GDAP2: variants seen among roughly 807,000 people sequenced by gnomAD.
The protein encoded by GDAP2 is ganglioside induced differentiation associated protein 2, also known as ganglioside-induced differentiation-associated protein 2.
A neutral mutation model predicts 67.0 loss-of-function variants in GDAP2; 51 were observed. That is an observed-to-expected ratio of 0.76 (90% CI 0.61 to 0.96). The LOEUF (loss-of-function observed/expected upper bound fraction) is 0.96. Among genes scored for constraint, GDAP2 ranks in the 40% least tolerant of loss-of-function variants. GDAP2 has a pLI of 0.00. For missense variants in GDAP2, 547 were observed against 588.3 expected (o/e 0.93, Z 0.73); for synonymous variants, 203 against 207.3 (o/e 0.98, Z 0.18).
intron 13 of GDAP2, among the ~76,000 whole-genome samples, chr1:117,873,384 A>G (rs1648353053): frequency 2.0e-5 from 3 of 152,130 alleles, no homozygotes; most frequent in South Asian, 4.1e-4. Flanking sequence ...TAAATCCCAG[A>G]AAAATAGAAG....
chr1:117,919,802 A>G (rs1650179269), intron 2 of GDAP2, among the ~76,000 whole-genome samples: 1 of 152,174 alleles, frequency 6.6e-6, no homozygotes, highest in Non-Finnish European at 1.5e-5. Context: ...ACCAAAAAGC[A>G]CACAATTCAA....
Position 117,864,438 on chromosome 1 carries a change from T to A in GDAP2, c.*6131A>T, listed in dbSNP as rs115153377. The stretch of plus-strand genomic sequence containing the variant: ...GGAGAAAACAGGGTGAATTGGGTCA[T>A]CACATAGTACATGGCAGTACATGCC... On this transcript the variant is annotated 3_prime_UTR_variant, in exon 14 of 14. Coordinates refer to ENST00000369443, the MANE Select transcript of GDAP2 (RefSeq NM_017686.4). 1,262 of 152,304 alleles carry A rather than the reference T, an allele frequency of 8.3e-3. 11 individuals carry two copies. The highest frequency in any genetic ancestry group is 0.029 in the African/African-American group (1,214 of 41,564). The allele number at this position is 152,304 out of a possible 1,614,324, so 9.4% of individuals were successfully genotyped here.
intron 8 of GDAP2, 153 bp downstream of exon 8, chr1:117,896,680 C>T (rs1324447079): frequency 2.0e-6 from 1 of 505,760 alleles, no homozygotes; most frequent in Non-Finnish European, 3.4e-6. Context: ...AGTTTTTGCA[C>T]CTCCAAAATG....
chr1:117,868,744 G>GT lies in GDAP2; in HGVS notation c.*1824dup, dbSNP rs1399117706. 1.3e-5 allele frequency: 2 copies of GT among 151,626 alleles called. No individual in the cohort carries two copies. The highest frequency in any genetic ancestry group is 1.9e-4 in the East Asian group (1 of 5,150). 9.4% of individuals were successfully genotyped at this position (151,626 alleles called of 1,614,324 possible). A position where few individuals can be genotyped will look rare whatever the true frequency, so the allele number is the denominator to read the frequency against. ...ACTTTTAAGGTACAGTGCCCAAGGG[G>GT]TTAAAAAAAAAGTACTGTTTGAGAG... On this transcript the variant is annotated 3_prime_UTR_variant, in exon 14 of 14. Coordinates refer to ENST00000369443, the MANE Select transcript of GDAP2 (RefSeq NM_017686.4).
chr1:117,921,830 T>C (rs1359403758), intron 1 of GDAP2, among the ~76,000 whole-genome samples: 1 of 152,098 alleles, frequency 6.6e-6, no homozygotes, highest in Non-Finnish European at 1.5e-5. Context: ...ATGACTGCAA[T>C]AATTTAGGTG....
At chr1:117,912,800 A>T in intron 3 of GDAP2, 117 bp from the exon 4 acceptor site, 1 of 808,864 alleles carries the variant, frequency 1.2e-6, no homozygotes, top group Non-Finnish European at 2.0e-6. Flanking sequence ...AGTTAAAAAT[A>T]CAGACTGAAC....
At chr1:117,907,883 A>G (rs1369193941) in intron 5 of GDAP2, among the ~76,000 whole-genome samples, 1 of 152,172 alleles carries the variant, frequency 6.6e-6, no homozygotes, top group East Asian at 1.9e-4. Flanking sequence ...CTTACAGGTT[A>G]AGATTCAAAA....
At chr1:117,898,086 G>A (rs1202765490) in intron 7 of GDAP2, among the ~76,000 whole-genome samples, 2 of 152,182 alleles carry the variant, frequency 1.3e-5, no homozygotes, top group African/African-American at 2.4e-5. Flanking sequence ...GTGGACAGAA[G>A]AGAATCTTCT....
At position 117,866,251 on chromosome 1, in the gene GDAP2, GTCTCTCTC is replaced by G. The variant is rs1027695472; in HGVS notation, c.*4310_*4317del. The G allele has an allele frequency of 1.3e-5, 2 of 151,862 alleles. No homozygotes were observed. Among genetic ancestry groups the G allele is most frequent in the Non-Finnish European group, 2.9e-5 (2 of 67,938 alleles). The allele number at this position is 151,862 out of a possible 1,614,324, so 9.4% of individuals were successfully genotyped here. A position where few individuals can be genotyped will look rare whatever the true frequency, so the allele number is the denominator to read the frequency against. On this transcript the variant is annotated 3_prime_UTR_variant, in exon 14 of 14. Transcript: ENST00000369443. ...TAAGAAGAGACAGGAAAGTAACGAT[GTCTCTCTC>G]TCTCTGCCAAGTGAGAATACAGCAA...
At chr1:117,926,885 T>C (rs186985140) in intron 1 of GDAP2, among the ~76,000 whole-genome samples, 1 of 152,218 alleles carries the variant, frequency 6.6e-6, no homozygotes, top group East Asian at 1.9e-4. Context: ...CACCCAGTAA[T>C]CTATAGCCAC....
chr1:117,896,351 C>T (rs1649264339), intron 8 of GDAP2, among the ~76,000 whole-genome samples: 1 of 152,168 alleles, frequency 6.6e-6, no homozygotes, highest in African/African-American at 2.4e-5. Context: ...AGGATTCCTT[C>T]AAAATTGCTT....
chr1:117,899,353 C>T lies in GDAP2; in HGVS notation c.637-137G>A, dbSNP rs564134898. 2.8e-5 allele frequency: 18 copies of T among 635,400 alleles called. No homozygotes were observed. In the South Asian group the frequency reaches 3.0e-4, roughly 10 times the overall value. The allele number at this position is 635,400 out of a possible 1,614,324, so 39.4% of individuals were successfully genotyped here. ...ACTTTACCACTTCTGAGCTCAGACT[C>T]GATACTGTCTGAAACCCTCAATCAG... is the stretch of plus-strand genomic sequence containing the variant. On this transcript the variant is annotated intron_variant, in intron 6 of 13. Coordinates refer to ENST00000369443, the MANE Select transcript of GDAP2 (RefSeq NM_017686.4).
intron 13 of GDAP2, among the ~76,000 whole-genome samples, chr1:117,871,271 A>T (rs1043963913): frequency 2.6e-5 from 4 of 152,200 alleles, no homozygotes; most frequent in Non-Finnish European, 5.9e-5. Flanking sequence ...TTTAATGTCA[A>T]TGTAAGGGTA....
Position 117,891,799 on chromosome 1 carries a change from T to C in GDAP2, c.954-4025A>G, listed in dbSNP as rs540035122. On this transcript the variant is annotated intron_variant, in intron 8 of 13. Transcript: ENST00000369443. ...TTCATGTCTTTAAAAAAATCTTCCC[T>C]TTCTCTAAGGTTTGAAGGATACTAG... is the stretch of plus-strand genomic sequence containing the variant. 9.5e-4 allele frequency among the ~76,000 whole-genome samples: 144 copies of C among 152,232 alleles called. 1 individual carries two copies. The highest frequency in any genetic ancestry group is 5.6e-3 in the Admixed American group (85 of 15,274).
At chr1:117,871,912 G>A (rs1648301612) in intron 13 of GDAP2, among the ~76,000 whole-genome samples, 1 of 152,064 alleles carries the variant, frequency 6.6e-6, no homozygotes, top group Admixed American at 6.6e-5. Context: ...ACAACCTACA[G>A]AATGGGAGAA....
intron 12 of GDAP2, among the ~76,000 whole-genome samples, chr1:117,881,054 G>A (rs553001715): frequency 1.1e-4 from 17 of 152,248 alleles, no homozygotes; most frequent in East Asian, 9.7e-4. Context: ...CCTTACTGAC[G>A]GTTTCTTTGA....
intron 5 of GDAP2, among the ~76,000 whole-genome samples, chr1:117,909,513 G>T (rs1034925735): frequency 2.6e-5 from 4 of 152,114 alleles, no homozygotes; most frequent in African/African-American, 9.7e-5. Context: ...TATATCATTA[G>T]ATTTGTTCTT....
chr1:117,875,229 G>A (rs1648415426), intron 13 of GDAP2, among the ~76,000 whole-genome samples: 1 of 152,180 alleles, frequency 6.6e-6, no homozygotes, highest in Non-Finnish European at 1.5e-5. Flanking sequence ...AGAATGGTTT[G>A]GGAGCGACAA....
At chr1:117,912,385 G>T in intron 4 of GDAP2, 145 bp downstream of exon 4, 1 of 634,176 alleles carries the variant, frequency 1.6e-6, no homozygotes, top group South Asian at 2.1e-5. Context: ...TCTATTGTCA[G>T]GGTCCTCCTA....
Sources: gnomAD v4.1 joint callset for allele counts (sites outside exome capture counted in the v4.1 genomes callset) on GRCh38, gnomAD v4.1.1 for gene constraint, MANE v1.5 for transcripts, NCBI Gene and HGNC (gene_info 2026-07-23, HGNC 2026-07-21) for gene names.